Variants in TUSC3 observed in about 807,000 individuals in gnomAD.
TUSC3 encodes dolichyl-diphosphooligosaccharide--protein glycosyltransferase subunit TUSC3.
A neutral mutation model predicts 44.8 loss-of-function variants in TUSC3; 45 were observed. That is an observed-to-expected ratio of 1.00 (90% CI 0.79 to 1.29). The LOEUF (loss-of-function observed/expected upper bound fraction) is 1.29. Among genes scored for constraint, TUSC3 ranks in the 50% most tolerant of loss-of-function variants. The probability of loss-of-function intolerance (pLI) is 0.00; values close to 1 mark genes in which losing one functional copy is unlikely to be tolerated. For synonymous variants in TUSC3, 212 were observed against 152.9 expected (o/e 1.39, Z -2.85); for missense variants, 519 against 437.9 (o/e 1.19, Z -1.65).
chr8:15,783,740 G>A, the TUSC3 span, among the ~76,000 whole-genome samples: 1 of 152,140 alleles, frequency 6.6e-6, no homozygotes, highest in East Asian at 1.9e-4. Context: ...AAGACCAGAA[G>A]CTGTAGAACT....
chr8:15,422,629 TTTGGTTGA>T (rs746408511), intron 1 of TUSC3, among the ~76,000 whole-genome samples: 32 of 152,180 alleles, frequency 2.1e-4, no homozygotes, highest in East Asian at 3.9e-4. Context: ...GCATCTAGTT[TTTGGTTGA>T]TTGGTTGATT....
At chr8:15,806,850 T>C in the TUSC3 span, 1 of 1,010,676 alleles carries the variant, frequency 9.9e-7, no homozygotes, top group African/African-American at 1.6e-5. Flanking sequence ...ACGTCTAGAG[T>C]CTTCATAGTT....
intron 8 of TUSC3, among the ~76,000 whole-genome samples, chr8:15,745,605 A>G (rs1195710513): frequency 6.6e-6 from 1 of 151,884 alleles, no homozygotes; most frequent in Non-Finnish European, 1.5e-5. Context: ...CTGTCTTTTA[A>G]GAAATACCTG....
chr8:15,495,634 C>T (rs1374641123), intron 2 of TUSC3, among the ~76,000 whole-genome samples: 2 of 152,080 alleles, frequency 1.3e-5, no homozygotes, highest in African/African-American at 4.8e-5. Context: ...AGAAAATAAG[C>T]ACAGCTCCCT....
chr8:15,771,264 G>A (rs1327983011), downstream of TUSC3, among the ~76,000 whole-genome samples: 1 of 152,002 alleles, frequency 6.6e-6, no homozygotes, highest in Non-Finnish European at 1.5e-5. Flanking sequence ...CTCCTCAAAT[G>A]GAAATACTCC....
the TUSC3 span, among the ~76,000 whole-genome samples, chr8:15,775,221 A>G: frequency 2.6e-5 from 4 of 152,158 alleles, no homozygotes; most frequent in East Asian, 1.9e-4. Flanking sequence ...GCCACATAGT[A>G]TATCATTCCT....
chr8:15,623,907 G>A (rs1447656775), intron 2 of TUSC3, among the ~76,000 whole-genome samples: 3 of 152,102 alleles, frequency 2.0e-5, no homozygotes, highest in Non-Finnish European at 2.9e-5. Context: ...ATGCGGAACA[G>A]CTCTATTACT....
the TUSC3 span, among the ~76,000 whole-genome samples, chr8:15,846,473 A>C: frequency 6.6e-6 from 1 of 152,178 alleles, no homozygotes; most frequent in Non-Finnish European, 1.5e-5. Flanking sequence ...ACCATCAATG[A>C]TAGACTGGAT....
chr8:15,695,588 T>G (rs1373349756), intron 6 of TUSC3, among the ~76,000 whole-genome samples: 2 of 152,204 alleles, frequency 1.3e-5, no homozygotes, highest in Non-Finnish European at 2.9e-5. Context: ...CTTTGGAACT[T>G]GGTAACAGGC....
chr8:15,826,127 T>C, the TUSC3 span, among the ~76,000 whole-genome samples: 4 of 152,156 alleles, frequency 2.6e-5, no homozygotes, highest in East Asian at 1.9e-4. Flanking sequence ...ATATGATGCA[T>C]GATTCTGACT....
intron 7 of TUSC3, 62 bp downstream of exon 7, chr8:15,730,791 G>C: frequency 6.5e-7 from 1 of 1,535,422 alleles, no homozygotes; most frequent in Non-Finnish European, 9.0e-7. Context: ...TTTTTAAATT[G>C]ACATTTTTCC....
At chr8:15,603,662 G>A (rs1272051286) in intron 1 of TUSC3, among the ~76,000 whole-genome samples, 1 of 151,542 alleles carries the variant, frequency 6.6e-6, no homozygotes, top group Non-Finnish European at 1.5e-5. Context: ...AGGTCTGATA[G>A]CCATTACAAG....
At chr8:15,744,187 C>T (rs961957553) in intron 8 of TUSC3, among the ~76,000 whole-genome samples, 7 of 152,086 alleles carry the variant, frequency 4.6e-5, no homozygotes, top group African/African-American at 1.2e-4. Flanking sequence ...TCAAGTTCTC[C>T]GGCATTATGT....
upstream of TUSC3, among the ~76,000 whole-genome samples, chr8:15,536,570 T>A (rs189169050): frequency 6.0e-3 from 903 of 151,128 alleles, 4 homozygotes; most frequent in Non-Finnish European, 8.3e-3. Context: ...TACTCCCAGC[T>A]ACTCGGGAGG....
intron 1 of TUSC3, among the ~76,000 whole-genome samples, chr8:15,467,277 CAAA>C (rs11371796): frequency 1.2e-3 from 120 of 103,006 alleles, no homozygotes; most frequent in African/African-American, 3.2e-3. Flanking sequence ...GTTCTTTAGC[CAAA>C]AAAAAAAAAA....
At chr8:15,829,175 T>C in the TUSC3 span, among the ~76,000 whole-genome samples, 1 of 152,198 alleles carries the variant, frequency 6.6e-6, no homozygotes. Flanking sequence ...GCAACTTATT[T>C]AACCAGTTCC....
At chr8:15,798,283 A>G in the TUSC3 span, among the ~76,000 whole-genome samples, 1 of 152,150 alleles carries the variant, frequency 6.6e-6, no homozygotes, top group South Asian at 2.1e-4. Context: ...CCCCAACCTC[A>G]TGAGCTGAAT....
the TUSC3 span, among the ~76,000 whole-genome samples, chr8:15,832,534 G>C: frequency 6.6e-6 from 1 of 152,080 alleles, no homozygotes; most frequent in South Asian, 2.1e-4. Context: ...GTCTTCAAGA[G>C]ACCCATCTCA....
chr8:15,664,971 A>G (rs1807592918), intron 5 of TUSC3, among the ~76,000 whole-genome samples: 1 of 151,452 alleles, frequency 6.6e-6, no homozygotes, highest in Admixed American at 6.6e-5. Context: ...GAATTTGTTC[A>G]TATGTAATTT....
Sources: gnomAD v4.1 joint callset for allele counts (sites outside exome capture counted in the v4.1 genomes callset) on GRCh38, gnomAD v4.1.1 for gene constraint, MANE v1.5 for transcripts, NCBI Gene and HGNC (gene_info 2026-07-23, HGNC 2026-07-21) for gene names.